DLGAP4: variants seen among roughly 807,000 people sequenced by gnomAD.
DLGAP4 encodes the protein disks large-associated protein 4.
In DLGAP4, 18 loss-of-function variants were observed where a neutral mutation model predicts 86.9. The ratio of observed to expected loss-of-function variants is 0.21; its 90% confidence interval spans 0.14 to 0.31. DLGAP4 has a LOEUF of 0.31. Among genes scored for constraint, DLGAP4 ranks in the 10% least tolerant of loss-of-function variants. The pLI is 1.00. For synonymous variants in DLGAP4, 548 were observed against 574.3 expected (o/e 0.95, Z 0.65); for missense variants, 1,085 against 1,362.6 (o/e 0.80, Z 3.21).
intron 2 of DLGAP4, among the ~76,000 whole-genome samples, chr20:36,382,171 G>C (rs907914546): frequency 6.6e-6 from 1 of 152,334 alleles, no homozygotes; most frequent in East Asian, 1.9e-4. Context: ...TTTGTCACTT[G>C]TTTGGCTATG....
chr20:36,501,116 G>C (rs1166260255), intron 10 of DLGAP4, among the ~76,000 whole-genome samples: 1 of 150,300 alleles, frequency 6.7e-6, no homozygotes, highest in East Asian at 2.0e-4. Flanking sequence ...CCAGGCTGGA[G>C]TGCAGTGGCT....
At chr20:36,407,051 A>G (rs1223264444) in intron 2 of DLGAP4, among the ~76,000 whole-genome samples, 1 of 152,150 alleles carries the variant, frequency 6.6e-6, no homozygotes, top group Non-Finnish European at 1.5e-5. Context: ...CAGAGGAACT[A>G]GAGCCTCAGT....
chr20:36,396,130 G>A (rs2031940458), intron 2 of DLGAP4, among the ~76,000 whole-genome samples: 1 of 151,936 alleles, frequency 6.6e-6, no homozygotes, highest in Non-Finnish European at 1.5e-5. Context: ...CACCACCTCC[G>A]GAAAGGCTGG....
At chr20:36,510,356 C>T (rs940576199) in intron 10 of DLGAP4, among the ~76,000 whole-genome samples, 1 of 151,898 alleles carries the variant, frequency 6.6e-6, no homozygotes, top group South Asian at 2.1e-4. Context: ...CTCTGCTTCC[C>T]GGGTTCAAGC....
At chr20:36,365,741 A>T (rs2030663662) in intron 1 of DLGAP4, among the ~76,000 whole-genome samples, 1 of 152,190 alleles carries the variant, frequency 6.6e-6, no homozygotes, top group South Asian at 2.1e-4. Flanking sequence ...CTAAGGAGAG[A>T]TGGTGAGGCC....
chr20:36,457,959 G>A (rs1434181994), intron 7 of DLGAP4, among the ~76,000 whole-genome samples: 1 of 152,134 alleles, frequency 6.6e-6, no homozygotes, highest in Non-Finnish European at 1.5e-5. Flanking sequence ...GGAAGTGTGG[G>A]AATAAGCAGT....
At chr20:36,475,297 G>A (rs747964395) in intron 7 of DLGAP4, among the ~76,000 whole-genome samples, 1 of 152,012 alleles carries the variant, frequency 6.6e-6, no homozygotes, top group Non-Finnish European at 1.5e-5. Context: ...CTGTAGCCTC[G>A]CCTGCCGGGT....
rs1491246846 is a variant in DLGAP4 at position 36,528,445 on chromosome 20, G to GCC, written c.*1414_*1415insCC. On this transcript the variant is annotated 3_prime_UTR_variant, in exon 13 of 13. Coordinates refer to ENST00000339266, the MANE Select transcript of DLGAP4 (RefSeq NM_001365621.2). ...TTGGCTGGCGCTTGCTGCAGGGGGG[G>GCC]ACCCCCCCCCGTCCCCAGGTGAACC... The GCC allele has an allele frequency of 5.5e-5, 7 of 126,620 alleles. No homozygotes were observed. Among genetic ancestry groups the GCC allele is most frequent in the African/African-American group, 1.8e-4 (5 of 28,284 alleles). The allele number at this position is 126,620 out of a possible 1,614,324, so 7.8% of individuals were successfully genotyped here. A position where few individuals can be genotyped will look rare whatever the true frequency, so the allele number is the denominator to read the frequency against.
chr20:36,497,179 C>G, intron 8 of DLGAP4, 113 bp downstream of exon 8: 1 of 1,485,060 alleles, frequency 6.7e-7, no homozygotes, highest in Non-Finnish European at 8.9e-7. Context: ...GTTTGTCTCT[C>G]TATTTTGGGG....
chr20:36,345,086 T>G (rs185009951), intron 1 of DLGAP4, among the ~76,000 whole-genome samples: 2 of 152,248 alleles, frequency 1.3e-5, no homozygotes, highest in Admixed American at 1.3e-4. Context: ...CTGTTTTCCC[T>G]CCAGCCCATT....
intron 2 of DLGAP4, among the ~76,000 whole-genome samples, chr20:36,428,644 A>G (rs1368143344): frequency 2.6e-5 from 4 of 152,174 alleles, no homozygotes; most frequent in Non-Finnish European, 5.9e-5. Context: ...CCAGTTCAGC[A>G]GGGCCAGTGG....
chr20:36,463,470 C>T (rs1337090446), intron 7 of DLGAP4, among the ~76,000 whole-genome samples: 1 of 152,188 alleles, frequency 6.6e-6, no homozygotes. Flanking sequence ...ACATTACAGT[C>T]CAGGGCTCTT....
chr20:36,495,911 T>C (rs532203696), intron 7 of DLGAP4, among the ~76,000 whole-genome samples: 1 of 152,188 alleles, frequency 6.6e-6, no homozygotes, highest in East Asian at 1.9e-4. Flanking sequence ...TTGCTTTTGT[T>C]CCCCAGGCTG....
At chr20:36,372,250 C>T (rs1324708155) in intron 2 of DLGAP4, among the ~76,000 whole-genome samples, 1 of 152,182 alleles carries the variant, frequency 6.6e-6, no homozygotes, top group Non-Finnish European at 1.5e-5. Context: ...AAAGGTGGCA[C>T]CTACCGTGTG....
intron 2 of DLGAP4, among the ~76,000 whole-genome samples, chr20:36,427,674 G>C (rs2033014162): frequency 6.6e-6 from 1 of 152,052 alleles, no homozygotes. Flanking sequence ...TGGGTGCAGT[G>C]GCTCACGCCT....
intron 2 of DLGAP4, among the ~76,000 whole-genome samples, chr20:36,387,855 CTT>C (rs1372110436): frequency 6.6e-6 from 1 of 152,158 alleles, no homozygotes; most frequent in Non-Finnish European, 1.5e-5. Flanking sequence ...TCATTGATCT[CTT>C]TGTCTATCTC....
chr20:36,414,172 C>T (rs1393483799), intron 2 of DLGAP4, among the ~76,000 whole-genome samples: 1 of 152,188 alleles, frequency 6.6e-6, no homozygotes, highest in African/African-American at 2.4e-5. Flanking sequence ...GTGAGTTAGC[C>T]AGGACTGGGG....
intron 7 of DLGAP4, among the ~76,000 whole-genome samples, chr20:36,491,071 T>C (rs766182288): frequency 1.7e-4 from 24 of 143,198 alleles, no homozygotes; most frequent in Non-Finnish European, 2.7e-4. Context: ...TAGCCAGGCA[T>C]GGTGGTGCAT....
rs138081422 is a variant in DLGAP4 at position 36,404,285 on chromosome 20, G to C, written c.-72-27361G>C. Among the ~76,000 whole-genome samples, 959 of 152,310 alleles carry C rather than the reference G, an allele frequency of 6.3e-3. 11 individuals carry two copies. The highest frequency in any genetic ancestry group is 0.022 in the African/African-American group (913 of 41,562). ...GTAGGTCTATGGTAGGGTGAACTCA[G>C]GGTCAGTGTGTCAGGCCAGCTGCAG... On this transcript the variant is annotated intron_variant, in intron 2 of 12. Coordinates refer to ENST00000339266, the MANE Select transcript of DLGAP4 (RefSeq NM_001365621.2).
Sources: allele counts gnomAD v4.1 joint callset (sites outside exome capture counted in the v4.1 genomes callset), GRCh38; gene constraint gnomAD v4.1.1; transcripts MANE v1.5; gene names NCBI Gene and HGNC (gene_info 2026-07-23, HGNC 2026-07-21).